The following SH2D1B variants were observed in gnomAD, a reference collection of about 807,000 sequenced individuals.
The protein encoded by SH2D1B is SH2 domain-containing protein 1B.
SH2D1B carries 11 observed loss-of-function variants against 16.3 expected under a neutral mutation model. The observed-to-expected ratio is 0.67, with a 90% CI of 0.42 to 1.11. SH2D1B has a LOEUF of 1.11. Ranked by LOEUF, SH2D1B falls within the 50% of genes most tolerant of loss-of-function variation. SH2D1B has a pLI of 0.00. For synonymous variants in SH2D1B, 55 were observed against 56.1 expected (o/e 0.98, Z 0.09); for missense variants, 123 against 153.1 (o/e 0.80, Z 1.04).
At chr1:162,405,219 TTAATC>T (rs1442197804) in intron 1 of SH2D1B, among the ~76,000 whole-genome samples, 2 of 152,204 alleles carry the variant, frequency 1.3e-5, no homozygotes, top group African/African-American at 4.8e-5. Flanking sequence ...AAAATACACA[TTAATC>T]TATAGTGCCA....
At chr1:162,407,749 A>G (rs952804117) in intron 1 of SH2D1B, among the ~76,000 whole-genome samples, 4 of 152,208 alleles carry the variant, frequency 2.6e-5, no homozygotes, top group African/African-American at 9.6e-5. Flanking sequence ...CCTGTACCCA[A>G]TGGAAAGCAG....
intron 1 of SH2D1B, among the ~76,000 whole-genome samples, chr1:162,408,877 G>T (rs1048629548): frequency 3.3e-5 from 5 of 152,108 alleles, no homozygotes; most frequent in African/African-American, 1.2e-4. Flanking sequence ...GGAGGCTGAG[G>T]TGGGTGGATC....
Position 162,408,677 on chromosome 1 carries a change from G to A in SH2D1B, c.134+3206C>T, listed in dbSNP as rs536498664. Among the ~76,000 whole-genome samples, 260 of 152,102 alleles carry A rather than the reference G, an allele frequency of 1.7e-3. 6 individuals are homozygous for A. Among genetic ancestry groups the A allele is most frequent in the African/African-American group, 6.1e-3 (252 of 41,492 alleles). ...GATCTGCCCGCCTCGGCCTCCCAGA[G>A]TGCTGGGAATACAGGTGTGAGCCAC... On this transcript the variant is annotated intron_variant, in intron 1 of 3. Coordinates refer to ENST00000367929, the MANE Select transcript of SH2D1B (RefSeq NM_053282.5).
intron 1 of SH2D1B, among the ~76,000 whole-genome samples, chr1:162,403,518 AT>A (rs1648581279): frequency 3.9e-5 from 1 of 25,650 alleles, no homozygotes; most frequent in African/African-American, 1.5e-4. Flanking sequence ...AAAAATATAT[AT>A]ATATATATAT....
At chr1:162,408,660 C>T (rs904471053) in intron 1 of SH2D1B, among the ~76,000 whole-genome samples, 38 of 152,072 alleles carry the variant, frequency 2.5e-4, no homozygotes, top group African/African-American at 8.2e-4. Flanking sequence ...GTGATCTGCC[C>T]GCCTCGGCCT....
At chr1:162,403,039 G>C (rs187613525) in intron 1 of SH2D1B, among the ~76,000 whole-genome samples, 30 of 151,996 alleles carry the variant, frequency 2.0e-4, no homozygotes, top group African/African-American at 7.2e-4. Flanking sequence ...CTCCTGCGTA[G>C]CTGGGATTAC....
At chr1:162,399,680 C>A (rs1354117473) in intron 2 of SH2D1B, among the ~76,000 whole-genome samples, 1 of 152,104 alleles carries the variant, frequency 6.6e-6, no homozygotes, top group Non-Finnish European at 1.5e-5. Context: ...TCCAACAGGC[C>A]CCTGTGTGTG....
chr1:162,404,679 A>G (rs1019539987), intron 1 of SH2D1B, among the ~76,000 whole-genome samples: 3 of 152,382 alleles, frequency 2.0e-5, no homozygotes, highest in South Asian at 2.1e-4. Flanking sequence ...ATGGATGGCA[A>G]ATAAGCACTC....
chr1:162,401,288 C>T (rs1648513016), intron 2 of SH2D1B, among the ~76,000 whole-genome samples: 1 of 151,786 alleles, frequency 6.6e-6, no homozygotes, highest in Non-Finnish European at 1.5e-5. Flanking sequence ...AAACAGGGTA[C>T]TGAGGAATTA....
intron 1 of SH2D1B, among the ~76,000 whole-genome samples, chr1:162,410,638 G>A (rs1648770467): frequency 6.6e-6 from 1 of 150,654 alleles, no homozygotes; most frequent in African/African-American, 2.4e-5. Flanking sequence ...CTGTGGCCTG[G>A]AATTTGTTTT....
intron 1 of SH2D1B, among the ~76,000 whole-genome samples, chr1:162,403,604 G>A (rs1296874344): frequency 7.5e-6 from 1 of 133,874 alleles, no homozygotes; most frequent in Non-Finnish European, 1.5e-5. Context: ...CTAGTATGTT[G>A]AAGAAATATC....
At chr1:162,402,713 G>A (rs778576960) in intron 2 of SH2D1B, 26 bp downstream of exon 2, 6 of 1,596,482 alleles carry the variant, frequency 3.8e-6, no homozygotes, top group Non-Finnish European at 5.2e-6. Flanking sequence ...TTGTGTTGTT[G>A]TTGTTGTCGT....
intron 1 of SH2D1B, among the ~76,000 whole-genome samples, chr1:162,403,083 T>A (rs545458830): frequency 6.6e-6 from 1 of 152,094 alleles, no homozygotes; most frequent in South Asian, 2.1e-4. Context: ...AGAATGGCTA[T>A]TATCAAAAAA....
At chr1:162,400,288 T>A (rs1436020480) in intron 2 of SH2D1B, among the ~76,000 whole-genome samples, 1 of 127,128 alleles carries the variant, frequency 7.9e-6, no homozygotes, top group Non-Finnish European at 1.6e-5. Context: ...ACCACGTACT[T>A]TTTTTTTTTT....
intron 2 of SH2D1B, among the ~76,000 whole-genome samples, chr1:162,401,679 T>C (rs894288584): frequency 6.6e-6 from 1 of 152,150 alleles, no homozygotes; most frequent in Non-Finnish European, 1.5e-5. Context: ...TTATTCAAAA[T>C]TTGAATTTAT....
chr1:162,404,167 C>A (rs886571395), intron 1 of SH2D1B, among the ~76,000 whole-genome samples: 4 of 152,102 alleles, frequency 2.6e-5, no homozygotes, highest in Non-Finnish European at 2.9e-5. Context: ...GAAACCCTGT[C>A]TCTACTAAAA....
rs1299455415 is a variant in SH2D1B at position 162,408,771 on chromosome 1, T to G, written c.134+3112A>C. ...TAGATGAATATGCAAGATGGGCTGATGCACCACAGAACAGTTGAGAATAAA... is the reference window on the plus strand; with the variant it reads ...TAGATGAATATGCAAGATGGGCTGAGGCACCACAGAACAGTTGAGAATAAA... On this transcript the variant is annotated intron_variant, in intron 1 of 3. Transcript: ENST00000367929. Among the ~76,000 whole-genome samples the G allele has an allele frequency of 2.6e-5, 4 of 152,152 alleles. No homozygotes were observed. The South Asian group carries it at 8.3e-4, about 32-fold the overall frequency.
intron 1 of SH2D1B, among the ~76,000 whole-genome samples, chr1:162,406,033 T>C (rs1648647636): frequency 6.6e-6 from 1 of 152,222 alleles, no homozygotes; most frequent in South Asian, 2.1e-4. Context: ...ATATCAACAA[T>C]GTGTTCTGCA....
rs1347988289 is a variant in SH2D1B at position 162,403,507 on chromosome 1, A to T, written c.135-705T>A. Among the ~76,000 whole-genome samples, 4 of 21,028 alleles carry T rather than the reference A, an allele frequency of 1.9e-4. 1 individual carries two copies. The South Asian group carries it at 5.8e-3, about 31-fold the overall frequency. 13.8% of individuals were successfully genotyped at this position (21,028 alleles called of 152,430 possible). On this transcript the variant is annotated intron_variant, in intron 1 of 3. Coordinates refer to ENST00000367929, the MANE Select transcript of SH2D1B (RefSeq NM_053282.5). ...CTGTCTGAAAAAAAAAAAAAAAAAA[A>T]AAAAATATATATATATATATATATA...
Sources: allele counts gnomAD v4.1 joint callset (sites outside exome capture counted in the v4.1 genomes callset), GRCh38; gene constraint gnomAD v4.1.1; transcripts MANE v1.5; gene names NCBI Gene and HGNC (gene_info 2026-07-23, HGNC 2026-07-21).